KCNC1: variants seen among roughly 807,000 people sequenced by gnomAD.
The protein encoded by KCNC1 is potassium voltage-gated channel subfamily C member 1.
In KCNC1, 8 loss-of-function variants were observed where a neutral mutation model predicts 43.4. That is an observed-to-expected ratio of 0.18 (90% CI 0.11 to 0.33). The LOEUF (loss-of-function observed/expected upper bound fraction) is 0.33. KCNC1 is among the 10% of genes least tolerant of loss of function. The pLI, the probability that KCNC1 is intolerant of heterozygous loss-of-function variation, is 1.00. For synonymous variants in KCNC1, 361 were observed against 360.5 expected, an observed-to-expected ratio of 1.00 and a Z score of -0.01; for missense variants, 420 against 836.0, an observed-to-expected ratio of 0.50 and a Z score of 6.14.
chr11:17,747,230 T>A (rs1361091055), intron 1 of KCNC1, among the ~76,000 whole-genome samples: 1 of 152,184 alleles, frequency 6.6e-6, no homozygotes, highest in Non-Finnish European at 1.5e-5. Context: ...CTGAGCTCCC[T>A]GTGTGTCCTG....
In KCNC1 at chr11:17,736,678, T is replaced by C. The variant is rs1006834577; in HGVS notation, c.570+106T>C. The C allele has an allele frequency of 1.4e-6, 2 of 1,432,406 alleles. No homozygotes were observed. The highest frequency in any genetic ancestry group is 5.7e-5 in the Admixed American group (2 of 34,838). The allele number at this position is 1,432,406 out of a possible 1,614,324, so 88.7% of individuals were successfully genotyped here. A position where few individuals can be genotyped will look rare whatever the true frequency, so the allele number is the denominator to read the frequency against. Reference sequence around the variant, plus strand: ...GAACTGGCGCCTAGGGAGTTCAGAATCGAAAGGGGGTGTGTGCGCATGTGT... The same window carrying C: ...GAACTGGCGCCTAGGGAGTTCAGAACCGAAAGGGGGTGTGTGCGCATGTGT... On this transcript the variant is annotated intron_variant, in intron 1 of 3. Coordinates refer to ENST00000265969, the MANE Select transcript of KCNC1 (RefSeq NM_001112741.2). This position sits in a 1 kb window ranked among gnomAD's most constrained non-coding sequence, Gnocchi z 9.3.
chr11:17,753,057 G>A (rs1444583052), intron 1 of KCNC1, among the ~76,000 whole-genome samples: 6 of 152,206 alleles, frequency 3.9e-5, no homozygotes, highest in African/African-American at 1.4e-4. Context: ...TCTTTCAGGA[G>A]GAATTCACCC....
At position 17,773,922 on chromosome 11, in the gene KCNC1, C is replaced by T; in HGVS notation, c.1504+1324C>T. The T allele has an allele frequency of 1.0e-6, 1 of 985,402 alleles. No individual in the cohort carries two copies. Among genetic ancestry groups the T allele is most frequent in the Non-Finnish European group, 1.2e-6 (1 of 829,946 alleles). 61.0% of individuals were successfully genotyped at this position (985,402 alleles called of 1,614,324 possible). On this transcript the variant is annotated intron_variant, in intron 2 of 3. Coordinates refer to ENST00000265969, the MANE Select transcript of KCNC1 (RefSeq NM_001112741.2). This position sits in a 1 kb window ranked among gnomAD's most constrained non-coding sequence, Gnocchi z 4.1. ...GCAGGAGGCTGCTGGCTAGCTCAGC[C>T]CCAGGTGGGGAAGTTTCCCCCTGGT...
At position 17,766,967 on chromosome 11, in the gene KCNC1, CAAAAAAAA is replaced by C. The variant is rs33931057; in HGVS notation, c.571-4688_571-4681del. 1.4e-3 allele frequency among the ~76,000 whole-genome samples: 185 copies of C among 133,252 alleles called. 1 individual carries two copies. The highest frequency in any genetic ancestry group is 5.0e-3 in the African/African-American group (175 of 35,096). The allele number at this position is 133,252 out of a possible 152,430, so 87.4% of individuals were successfully genotyped here. The stretch of plus-strand genomic sequence containing the variant: ...AAACCCCATCTCTACTAAAAAATAC[CAAAAAAAA>C]AAAAAAAAATTAGCCGGGCGTGGTG... On this transcript the variant is annotated intron_variant, in intron 1 of 3. Transcript: ENST00000265969.
intron 2 of KCNC1, chr11:17,775,413 G>A: frequency 1.0e-6 from 1 of 985,590 alleles, no homozygotes; most frequent in Non-Finnish European, 1.2e-6. Flanking sequence ...CCTGTGTGCT[G>A]TGGCTGGCAT....
chr11:17,764,790 C>T (rs1175985389), intron 1 of KCNC1, among the ~76,000 whole-genome samples: 1 of 151,910 alleles, frequency 6.6e-6, no homozygotes, highest in Non-Finnish European at 1.5e-5. Context: ...TGCCCTCCCT[C>T]CCATCCCCCA....
rs563391875 is a variant in KCNC1, at chr11:17,766,788, C to T, written c.571-4877C>T. Among the ~76,000 whole-genome samples, 190 of 151,894 alleles carry T rather than the reference C, an allele frequency of 1.3e-3. 1 individual carries two copies. Among genetic ancestry groups the T allele is most frequent in the African/African-American group, 4.3e-3 (176 of 41,396 alleles). On this transcript the variant is annotated intron_variant, in intron 1 of 3. Transcript: ENST00000265969. ...GAGCCATTTAGACACAATCAGGGGG[C>T]GCTCTGCAGTGGGTGGGGCTGGGTT...
chr11:17,760,472 T>A (rs2158478), intron 1 of KCNC1, among the ~76,000 whole-genome samples: 3 of 151,782 alleles, frequency 2.0e-5, no homozygotes, highest in South Asian at 2.1e-4. Flanking sequence ...GGAGGAAGGC[T>A]CAGTCCACAG....
chr11:17,743,510 G>A (rs1180040745), intron 1 of KCNC1, among the ~76,000 whole-genome samples: 1 of 152,264 alleles, frequency 6.6e-6, no homozygotes, highest in African/African-American at 2.4e-5. Flanking sequence ...TCAGTCCCAA[G>A]GAAGGTTTTG....
rs1849293720 is a variant in KCNC1, at chr11:17,776,816, T to C, written c.1505-2640T>C. 1.0e-6 allele frequency: 1 copy of C among 985,496 alleles called. No individual in the cohort carries two copies. The highest frequency in any genetic ancestry group is 5.2e-4 in the Middle Eastern group (1 of 1,918). The allele number at this position is 985,496 out of a possible 1,614,324, so 61.0% of individuals were successfully genotyped here. A position where few individuals can be genotyped will look rare whatever the true frequency, so the allele number is the denominator to read the frequency against. ...ATACAGTTGGCCCCTCGTTGGTTTCTCTTTCTTCAAGCCACCCCTCTGGAG... is the reference window on the plus strand; with the variant it reads ...ATACAGTTGGCCCCTCGTTGGTTTCCCTTTCTTCAAGCCACCCCTCTGGAG... On this transcript the variant is annotated intron_variant, in intron 2 of 3. Transcript: ENST00000265969. The surrounding 1 kb of genome is among the most constrained non-coding windows in gnomAD (Gnocchi z 4.4).
At chr11:17,763,819 C>A (rs1849110867) in intron 1 of KCNC1, among the ~76,000 whole-genome samples, 1 of 145,692 alleles carries the variant, frequency 6.9e-6, no homozygotes, top group Non-Finnish European at 1.5e-5. Flanking sequence ...CCCCACACAC[C>A]ACCTCACACA....
chr11:17,779,817 C>G lies in KCNC1; in HGVS notation c.1693+173C>G, dbSNP rs1010275185. 8.3e-6 allele frequency: 4 copies of G among 481,958 alleles called. No homozygotes were observed. The highest frequency in any genetic ancestry group is 4.6e-5 in the South Asian group (1 of 21,938). The allele number at this position is 481,958 out of a possible 1,614,324, so 29.9% of individuals were successfully genotyped here. ...CCTGGAGGGCTGAGGCCCTTCCCCC[C>G]AAGTGAGATGTCAGGCTGGCAGAGA... On this transcript the variant is annotated intron_variant, in intron 3 of 3. Coordinates refer to ENST00000265969, the MANE Select transcript of KCNC1 (RefSeq NM_001112741.2). The surrounding 1 kb of genome is among the most constrained non-coding windows in gnomAD (Gnocchi z 7.2).
intron 1 of KCNC1, among the ~76,000 whole-genome samples, chr11:17,763,935 CCA>C (rs200058933): frequency 1.3e-4 from 16 of 127,860 alleles, no homozygotes; most frequent in Non-Finnish European, 1.7e-4. Flanking sequence ...ATATACACGC[CCA>C]CACACACACA....
chr11:17,773,912 C>G lies in KCNC1; in HGVS notation c.1504+1314C>G, dbSNP rs1224732137. Reference sequence around the variant, plus strand: ...CCCAGGTCTGGCAGGAGGCTGCTGGCTAGCTCAGCCCCAGGTGGGGAAGTT... The same window carrying G: ...CCCAGGTCTGGCAGGAGGCTGCTGGGTAGCTCAGCCCCAGGTGGGGAAGTT... On this transcript the variant is annotated intron_variant, in intron 2 of 3. Coordinates refer to ENST00000265969, the MANE Select transcript of KCNC1 (RefSeq NM_001112741.2). This position sits in a 1 kb window ranked among gnomAD's most constrained non-coding sequence, Gnocchi z 4.1. 37 of 985,366 alleles carry G rather than the reference C, an allele frequency of 3.8e-5. No individual in the cohort carries two copies. Among genetic ancestry groups the G allele is most frequent in the Non-Finnish European group, 4.3e-5 (36 of 829,978 alleles). The allele number at this position is 985,366 out of a possible 1,614,324, so 61.0% of individuals were successfully genotyped here.
intron 1 of KCNC1, among the ~76,000 whole-genome samples, chr11:17,770,968 G>GACAGGGA (rs1298222964): frequency 1.3e-5 from 2 of 152,174 alleles, no homozygotes; most frequent in Non-Finnish European, 2.9e-5. Flanking sequence ...TACCTCCAAG[G>GACAGGGA]ACAGGGAACT....
At chr11:17,774,361 C>A (rs904612166) in intron 2 of KCNC1, 19 of 985,566 alleles carry the variant, frequency 1.9e-5, no homozygotes, top group Non-Finnish European at 2.3e-5. Flanking sequence ...CTACCTGGCC[C>A]TTCCCCTGCA....
chr11:17,760,268 G>T (rs1016153511), intron 1 of KCNC1, among the ~76,000 whole-genome samples: 1 of 152,130 alleles, frequency 6.6e-6, no homozygotes, highest in African/African-American at 2.4e-5. Flanking sequence ...AAATGTGAAG[G>T]GTTTTATGAC....
chr11:17,781,452 G>C lies in KCNC1; in HGVS notation c.1694-218G>C. 1.8e-6 allele frequency: 1 copy of C among 548,794 alleles called. No individual in the cohort carries two copies. The highest frequency in any genetic ancestry group is 3.2e-6 in the Non-Finnish European group (1 of 310,602). The allele number at this position is 548,794 out of a possible 1,614,324, so 34.0% of individuals were successfully genotyped here. The stretch of plus-strand genomic sequence containing the variant: ...GCAGGTGTGTGAGTCAATGTGCAGA[G>C]CAGAAGTAGGGACTCATCCCATTCC... On this transcript the variant is annotated intron_variant, in intron 3 of 3. Transcript: ENST00000265969. The surrounding 1 kb of genome is among the most constrained non-coding windows in gnomAD (Gnocchi z 5.1).
In KCNC1 at chr11:17,777,650, TG is replaced by T; in HGVS notation, c.1505-1804del. ...ATGGTGTCAGAGTTACCTTGGCAAC[TG>T]GCCTTTTTGGTTCAGAGTAAATTGG... On this transcript the variant is annotated intron_variant, in intron 2 of 3. Transcript: ENST00000265969. The surrounding 1 kb of genome is among the most constrained non-coding windows in gnomAD (Gnocchi z 4.3). 1.0e-6 allele frequency: 1 copy of T among 985,904 alleles called. No homozygotes were observed. The highest frequency in any genetic ancestry group is 1.2e-6 in the Non-Finnish European group (1 of 829,962). The allele number at this position is 985,904 out of a possible 1,614,324, so 61.1% of individuals were successfully genotyped here.
Sources: allele counts gnomAD v4.1 joint callset (sites outside exome capture counted in the v4.1 genomes callset), GRCh38; gene constraint gnomAD v4.1.1; non-coding constraint Gnocchi (gnomAD v3.1); transcripts MANE v1.5; gene names NCBI Gene and HGNC (gene_info 2026-07-23, HGNC 2026-07-21).